The following DET1 variants were observed in gnomAD, a reference collection of about 807,000 sequenced individuals.
DET1 encodes the protein DET1 homolog.
Under a neutral mutation model 43.7 loss-of-function variants are expected in DET1, and 22 were observed. That is an observed-to-expected ratio of 0.50 (90% CI 0.36 to 0.72). The LOEUF (loss-of-function observed/expected upper bound fraction) is 0.72, where lower values mean the gene tolerates loss of function less well. Among genes scored for constraint, DET1 ranks in the 30% least tolerant of loss-of-function variants. The probability of loss-of-function intolerance (pLI) is 0.00; values close to 1 mark genes in which losing one functional copy is unlikely to be tolerated. For synonymous variants in DET1, 315 were observed against 266.2 expected, an observed-to-expected ratio of 1.18 and a Z score of -1.79; for missense variants, 713 against 713.3, an observed-to-expected ratio of 1.00 and a Z score of 0.00.
In DET1 at chr15:88,523,138, A is replaced by T. The variant is rs143539686; in HGVS notation, c.1271+4461T>A. 7.2e-5 allele frequency among the ~76,000 whole-genome samples: 11 copies of T among 151,958 alleles called. No homozygotes were observed. In the East Asian group the frequency reaches 2.1e-3, roughly 30 times the overall value. ...CGATCAGTCCACGCCAACCTCCCAA[A>T]GTGCTGGGATAAAAGGCATAAGCCA... On this transcript the variant is annotated intron_variant, in intron 3 of 4. Transcript: ENST00000268148.
At position 88,531,608 on chromosome 15, in the gene DET1, C is replaced by T. The variant is rs1490364389; in HGVS notation, c.98G>A (p.Gly33Asp). Residue 33 changes from glycine (G) to aspartate (D), a missense_variant, in exon 2 of 5, where the codon GGT (glycine) becomes GAT (aspartate). By Grantham distance (94) the Gly-to-Asp change is moderately conservative. Coordinates refer to ENST00000268148, the MANE Select transcript of DET1 (RefSeq NM_001144074.3). The surrounding 1 kb of genome is among the most constrained non-coding windows in gnomAD (Gnocchi z 6.2). ...ERRRISSGKA[G>D]THWHQVRVFH... ...CACTCGGACTTGGTGCCAGTGGGTA[C>T]CTGCCTTGCCTGAACTGATCCGCCG... 6.2e-7 allele frequency: 1 copy of T among 1,613,974 alleles called. No homozygotes were observed. The highest frequency in any genetic ancestry group is 1.3e-5 in the African/African-American group (1 of 75,040).
In DET1 at chr15:88,516,736, A is replaced by G. The variant is rs747735770; in HGVS notation, c.1463+46T>C. The stretch of plus-strand genomic sequence containing the variant: ...GAAAAAGAGAAAAAGAAAGCAGGCC[A>G]TCTTCAGCCCTTGAGCAGTTTGTAG... On this transcript the variant is annotated intron_variant, in intron 4 of 4. Transcript: ENST00000268148. This position sits in a 1 kb window ranked among gnomAD's most constrained non-coding sequence, Gnocchi z 4.4. The G allele has an allele frequency of 7.0e-7, 1 of 1,435,336 alleles. No homozygotes were observed. The highest frequency in any genetic ancestry group is 9.2e-7 in the Non-Finnish European group (1 of 1,086,480). 88.9% of individuals were successfully genotyped at this position (1,435,336 alleles called of 1,614,324 possible).
chr15:88,515,538 T>TAAAAAAAA (rs1491544233), intron 4 of DET1, among the ~76,000 whole-genome samples: 5,120 of 47,452 alleles, frequency 0.11, 2,285 homozygotes, highest in Middle Eastern at 0.17. Context: ...GACTCCGTCT[T>TAAAAAAAA]ATAAAAAAAA....
chr15:88,511,550 T>C, downstream of DET1: 1 of 985,558 alleles, frequency 1.0e-6, no homozygotes, highest in South Asian at 4.7e-5. Flanking sequence ...AGTATATTTT[T>C]CTTTTTCTGC....
intron 3 of DET1, among the ~76,000 whole-genome samples, chr15:88,523,379 T>A (rs11857849): frequency 6.6e-6 from 1 of 151,810 alleles, no homozygotes; most frequent in Admixed American, 6.5e-5. Flanking sequence ...TTTAGAACCA[T>A]GTGTTCACAA....
intron 3 of DET1, among the ~76,000 whole-genome samples, chr15:88,517,224 G>GTTTTTT (rs397854316): frequency 1.5e-5 from 2 of 129,642 alleles, no homozygotes; most frequent in African/African-American, 5.9e-5. Context: ...TGGGTTTTGG[G>GTTTTTT]TTTTTTTTTT....
At chr15:88,543,684 A>G (rs1474526499) in intron 1 of DET1, among the ~76,000 whole-genome samples, 1 of 152,170 alleles carries the variant, frequency 6.6e-6, no homozygotes, top group Non-Finnish European at 1.5e-5. Context: ...AAAAAGCTAA[A>G]TTGATCGCCC....
At chr15:88,523,771 C>T (rs1243913191) in intron 3 of DET1, among the ~76,000 whole-genome samples, 2 of 152,212 alleles carry the variant, frequency 1.3e-5, no homozygotes, top group East Asian at 1.9e-4. Context: ...AGTGCAGTGG[C>T]GTGATCTCCG....
intron 3 of DET1, among the ~76,000 whole-genome samples, chr15:88,526,116 G>A (rs2142294156): frequency 6.6e-6 from 1 of 152,320 alleles, no homozygotes; most frequent in Non-Finnish European, 1.5e-5. Context: ...CAGAAGATTT[G>A]TGTGAACCAA....
intron 3 of DET1, among the ~76,000 whole-genome samples, chr15:88,525,727 TC>T (rs2056643240): frequency 6.6e-6 from 1 of 152,046 alleles, no homozygotes; most frequent in African/African-American, 2.4e-5. Context: ...AGTGGCATGC[TC>T]ATGGCTCATT....
intron 1 of DET1, chr15:88,536,333 A>T (rs751411405): frequency 2.6e-6 from 2 of 779,768 alleles, no homozygotes; most frequent in South Asian, 2.7e-5. Context: ...CTGTCCCACC[A>T]TACCAGAGAG....
rs777263695 is a variant in DET1, at chr15:88,513,130, G to C, written c.1474C>G (p.Arg492Gly). The C allele has an allele frequency of 6.2e-7, 1 of 1,609,748 alleles. No homozygotes were observed. Among genetic ancestry groups the C allele is most frequent in the Non-Finnish European group, 8.5e-7 (1 of 1,177,720 alleles). ...CGDHPIRFYA[R>G]DSGLLKFEIQ... is the part of the protein sequence containing the mutation. ...TCAAACTTGAGCAGGCCCGAGTCCC[G>C]GGCATAGAACCTAAAAAGAACAAGG... The change falls in exon 5 of 5, where the codon CGG becomes GGG. Residue 492 changes from arginine to glycine, a missense_variant. Arg to Gly is a moderately radical substitution (Grantham distance 125). Transcript: ENST00000268148.
chr15:88,529,378 G>A (rs1483352904), intron 2 of DET1, among the ~76,000 whole-genome samples: 2 of 152,128 alleles, frequency 1.3e-5, no homozygotes, highest in African/African-American at 4.8e-5. Context: ...GGAGAGTAGA[G>A]AAGTCAAGGA....
intron 1 of DET1, among the ~76,000 whole-genome samples, chr15:88,541,678 CT>C (rs773889606): frequency 2.6e-4 from 39 of 152,230 alleles, no homozygotes; most frequent in Non-Finnish European, 5.1e-4. Context: ...ACTGGAACTC[CT>C]GGCCACCCTG....
chr15:88,543,713 G>T lies in DET1; in HGVS notation c.-11+2827C>A, dbSNP rs2057172823. On this transcript the variant is annotated intron_variant, in intron 1 of 4. Coordinates refer to ENST00000268148, the MANE Select transcript of DET1 (RefSeq NM_001144074.3). ...ATCGCCCTCACTCAGGCTCTCCGAT[G>T]GGGTAAGGATAAACGTATTAACATT... Among the ~76,000 whole-genome samples the T allele has an allele frequency of 5.3e-5, 8 of 152,282 alleles. No homozygotes were observed. The South Asian group carries it at 1.7e-3, about 32-fold the overall frequency.
chr15:88,531,514 T>A lies in DET1; in HGVS notation c.192A>T (p.Lys64Asn). 6.2e-7 allele frequency: 1 copy of A among 1,613,948 alleles called. No individual in the cohort carries two copies. The highest frequency in any genetic ancestry group is 8.5e-7 in the Non-Finnish European group (1 of 1,179,872). ...TAAAGTAGCGTCCATCAGGTGAGAA[T>A]TTACGCAAGAAACAAGGAGGCTTTT... ...NVEKPPCFLRKFSPDGRYFIA... is the reference protein window; with the variant it reads ...NVEKPPCFLRNFSPDGRYFIA... The change falls in exon 2 of 5, where the codon AAA becomes AAT. Residue 64 changes from lysine to asparagine, a missense_variant. Lys to Asn is a moderately conservative substitution (Grantham distance 94, BLOSUM62 0). Coordinates refer to ENST00000268148, the MANE Select transcript of DET1 (RefSeq NM_001144074.3). This position sits in a 1 kb window ranked among gnomAD's most constrained non-coding sequence, Gnocchi z 6.2.
chr15:88,543,087 A>T (rs1202084021), intron 1 of DET1, among the ~76,000 whole-genome samples: 3 of 152,172 alleles, frequency 2.0e-5, no homozygotes. Flanking sequence ...AAAATCTGAA[A>T]AAGACTTTAA....
intron 3 of DET1, among the ~76,000 whole-genome samples, chr15:88,524,682 G>A (rs2056612848): frequency 6.6e-6 from 1 of 152,116 alleles, no homozygotes; most frequent in Admixed American, 6.5e-5. Flanking sequence ...CATGTGCTGT[G>A]TCCACTCAGG....
intron 4 of DET1, among the ~76,000 whole-genome samples, chr15:88,515,232 G>A (rs1806489394): frequency 6.6e-6 from 1 of 152,068 alleles, no homozygotes; most frequent in African/African-American, 2.4e-5. Context: ...AAAGGGGAAA[G>A]AAGAACCTAC....
Sources: allele counts gnomAD v4.1 joint callset (sites outside exome capture counted in the v4.1 genomes callset), GRCh38; gene constraint gnomAD v4.1.1; non-coding constraint Gnocchi (gnomAD v3.1); transcripts MANE v1.5; gene names NCBI Gene and HGNC (gene_info 2026-07-23, HGNC 2026-07-21).